Variants in SUSD5 observed in about 807,000 individuals in gnomAD.
SUSD5 encodes the protein sushi domain-containing protein 5.
SUSD5 carries 33 observed loss-of-function variants against 29.5 expected under a neutral mutation model. The observed-to-expected ratio is 1.12, with a 90% confidence interval of 0.85 to 1.49. The LOEUF (loss-of-function observed/expected upper bound fraction) is 1.49. SUSD5 is among the 40% of genes most tolerant of loss of function. The pLI, the probability that SUSD5 is intolerant of heterozygous loss-of-function variation, is 0.00. For synonymous variants in SUSD5, 308 were observed against 325.3 expected (o/e 0.95, Z 0.57); for missense variants, 776 against 800.6 (o/e 0.97, Z 0.37).
Position 33,173,437 on chromosome 3 carries a change from T to G in SUSD5, c.598+1449A>C, listed in dbSNP as rs538707367. Among the ~76,000 whole-genome samples, 7 of 152,338 alleles carry G rather than the reference T, an allele frequency of 4.6e-5. No individual in the cohort carries two copies. In the South Asian group the frequency reaches 1.0e-3, roughly 23 times the overall value. Reference sequence around the variant, plus strand: ...AGGACAATTATAGCAGCATAGTTTGTGACAGCCACAAAATGAAAATAAGCA... The same window carrying G: ...AGGACAATTATAGCAGCATAGTTTGGGACAGCCACAAAATGAAAATAAGCA... On this transcript the variant is annotated intron_variant, in intron 4 of 4. Coordinates refer to ENST00000309558, the MANE Select transcript of SUSD5 (RefSeq NM_015551.2).
At chr3:33,217,616 A>T (rs2032447844) in intron 1 of SUSD5, among the ~76,000 whole-genome samples, 1 of 152,196 alleles carries the variant, frequency 6.6e-6, no homozygotes. Context: ...GCCTGCACTT[A>T]AAACAGAGAG....
chr3:33,211,829 C>CATT (rs1559458283), intron 2 of SUSD5, among the ~76,000 whole-genome samples: 1 of 152,180 alleles, frequency 6.6e-6, no homozygotes, highest in African/African-American at 2.4e-5. Context: ...TATCCTGAAG[C>CATT]ATTCTTCCTA....
intron 1 of SUSD5, 21 bp downstream of exon 1, chr3:33,218,665 C>T: frequency 7.8e-7 from 1 of 1,277,720 alleles, no homozygotes. Flanking sequence ...CCCCCCGCCC[C>T]GCCGCCTCCC....
Position 33,153,602 on chromosome 3 carries a change from C to G in SUSD5, c.1030G>C (p.Asp344His), listed in dbSNP as rs781136711. The change falls in exon 5 of 5, where the codon GAT becomes CAT. Residue 344 changes from aspartate (D) to histidine (H), a missense_variant. Physicochemically the swap from Asp to His is moderately conservative, Grantham distance 81. Coordinates refer to ENST00000309558, the MANE Select transcript of SUSD5 (RefSeq NM_015551.2). ...CCCACAAATGGCCCCGAGGGACCAT[C>G]AGTGTTGCCGTAGATCACCTTGGTT... is the stretch of plus-strand genomic sequence containing the variant. ...PETKVIYGNTDGPSGPFVGKN... is the reference protein window; with the variant it reads ...PETKVIYGNTHGPSGPFVGKN... The G allele has an allele frequency of 9.3e-6, 15 of 1,614,024 alleles. No individual in the cohort carries two copies. The South Asian group carries it at 1.3e-4, about 14-fold the overall frequency.
intron 3 of SUSD5, among the ~76,000 whole-genome samples, chr3:33,177,445 G>C (rs895303792): frequency 3.3e-5 from 5 of 152,158 alleles, no homozygotes; most frequent in Non-Finnish European, 7.3e-5. Context: ...TAATTTGTTA[G>C]ATTTATACCT....
At chr3:33,217,511 C>T (rs2032444999) in intron 1 of SUSD5, among the ~76,000 whole-genome samples, 1 of 152,138 alleles carries the variant, frequency 6.6e-6, no homozygotes, top group Admixed American at 6.5e-5. Flanking sequence ...TTACTAACAG[C>T]CTTCAAAGTT....
intron 1 of SUSD5, among the ~76,000 whole-genome samples, chr3:33,216,013 C>T (rs879371906): frequency 2.6e-5 from 4 of 151,976 alleles, no homozygotes; most frequent in South Asian, 2.1e-4. Flanking sequence ...ATCAGTAAAA[C>T]GGAAAGCAGA....
At chr3:33,164,640 G>A (rs531679842) in intron 4 of SUSD5, among the ~76,000 whole-genome samples, 4 of 152,188 alleles carry the variant, frequency 2.6e-5, no homozygotes, top group African/African-American at 9.6e-5. Context: ...GAAAGTTCTG[G>A]TATCCAGAAT....
intron 2 of SUSD5, 94 bp downstream of exon 2, chr3:33,213,834 T>C: frequency 7.4e-7 from 1 of 1,354,008 alleles, no homozygotes; most frequent in Non-Finnish European, 1.0e-6. Context: ...GTACTCTGCC[T>C]GTATGGTACC....
intron 4 of SUSD5, among the ~76,000 whole-genome samples, chr3:33,172,058 A>G (rs1234018087): frequency 1.3e-5 from 2 of 152,238 alleles, no homozygotes; most frequent in Non-Finnish European, 2.9e-5. Flanking sequence ...ATCAGCCAGT[A>G]CAACGAAGAG....
At chr3:33,185,819 T>C (rs1308586812) in intron 3 of SUSD5, among the ~76,000 whole-genome samples, 2 of 152,228 alleles carry the variant, frequency 1.3e-5, no homozygotes, top group African/African-American at 4.8e-5. Context: ...GATATTTATG[T>C]TGGTTCCAAC....
intron 3 of SUSD5, among the ~76,000 whole-genome samples, chr3:33,179,100 A>AATTT (rs1240882278): frequency 6.6e-6 from 1 of 152,090 alleles, no homozygotes; most frequent in Non-Finnish European, 1.5e-5. Context: ...TTATTGATTC[A>AATTT]ATTTATTTAT....
Position 33,153,852 on chromosome 3 carries a change from TATG to T in SUSD5, c.777_779del (p.Asn259_Ile260delinsLys). ...TTGGCACAAAGACTTTATCCCGGGCTATGTTTTCTCTCCCCACAGAAATGGAGA... is the reference window on the plus strand; with the variant it reads ...TTGGCACAAAGACTTTATCCCGGGCTTTTTCTCTCCCCACAGAAATGGAGA... On this transcript the variant is annotated inframe_deletion, in exon 5 of 5. Transcript: ENST00000309558. The T allele has an allele frequency of 6.2e-7, 1 of 1,613,924 alleles. No individual in the cohort carries two copies.
At chr3:33,169,786 G>A (rs1224868129) in intron 4 of SUSD5, among the ~76,000 whole-genome samples, 2 of 152,196 alleles carry the variant, frequency 1.3e-5, no homozygotes, top group Admixed American at 1.3e-4. Context: ...TCCAGCTTGG[G>A]GTCAAGCACT....
intron 2 of SUSD5, among the ~76,000 whole-genome samples, chr3:33,210,606 A>G (rs1376507610): frequency 6.6e-6 from 1 of 152,208 alleles, no homozygotes; most frequent in African/African-American, 2.4e-5. Flanking sequence ...GATGTCTACT[A>G]TGCCATCAAT....
At chr3:33,160,578 T>G (rs2031164284) in intron 4 of SUSD5, among the ~76,000 whole-genome samples, 2 of 152,102 alleles carry the variant, frequency 1.3e-5, no homozygotes, top group Non-Finnish European at 2.9e-5. Context: ...CACCATTCCC[T>G]CTTCTGGATT....
Position 33,198,049 on chromosome 3 carries a change from C to T in SUSD5, c.409+9759G>A, listed in dbSNP as rs1481069586. Among the ~76,000 whole-genome samples the T allele has an allele frequency of 2.0e-5, 3 of 152,120 alleles. No homozygotes were observed. In the East Asian group the frequency reaches 5.8e-4, roughly 29 times the overall value. On this transcript the variant is annotated intron_variant, in intron 3 of 4. Transcript: ENST00000309558. ...TACATGTATATATATGCATATTAAA[C>T]TTTGCAGAATTATTTTGAAAGAAAT...
At chr3:33,214,320 C>T (rs1299832916) in intron 1 of SUSD5, among the ~76,000 whole-genome samples, 1 of 148,124 alleles carries the variant, frequency 6.8e-6, no homozygotes, top group Non-Finnish European at 1.5e-5. Context: ...TTCTTCCCCA[C>T]CCCACCCGCC....
chr3:33,200,370 G>T (rs2032092721), intron 3 of SUSD5, among the ~76,000 whole-genome samples: 1 of 152,206 alleles, frequency 6.6e-6, no homozygotes, highest in South Asian at 2.1e-4. Context: ...GAAGTGGGGG[G>T]TTTGCTGTAA....
Sources: gnomAD v4.1 joint callset for allele counts (sites outside exome capture counted in the v4.1 genomes callset) on GRCh38, gnomAD v4.1.1 for gene constraint, MANE v1.5 for transcripts, NCBI Gene and HGNC (gene_info 2026-07-23, HGNC 2026-07-21) for gene names.